The following SCN11A variants were observed in gnomAD, a reference collection of about 807,000 sequenced individuals.
The protein encoded by SCN11A is sodium channel protein type 11 subunit alpha.
SCN11A carries 122 observed loss-of-function variants against 162.2 expected under a neutral mutation model. The observed-to-expected ratio is 0.75, with a 90% confidence interval of 0.65 to 0.87. The LOEUF is 0.87. Among genes scored for constraint, SCN11A ranks in the 40% least tolerant of loss-of-function variants. The pLI is 0.00. For missense variants in SCN11A, 2,015 were observed against 2,181.6 expected (o/e 0.92, Z 1.52); for synonymous variants, 758 against 751.5 (o/e 1.01, Z -0.14).
At chr3:38,969,735 A>G (rs7651646) in intron 2 of SCN11A, among the ~76,000 whole-genome samples, 9,467 of 152,330 alleles carry the variant, frequency 0.062, 332 homozygotes, top group Middle Eastern at 0.092. Context: ...CACAATGTGC[A>G]TAAGAAAAGA....
At chr3:38,964,002 TAAAGAC>T (rs530636607) in intron 2 of SCN11A, among the ~76,000 whole-genome samples, 251 of 152,356 alleles carry the variant, frequency 1.6e-3, no homozygotes, top group Middle Eastern at 3.4e-3. Flanking sequence ...ATTCCAAGTG[TAAAGAC>T]TTAAGTGACA....
chr3:38,980,655 T>A (rs984954170), intron 2 of SCN11A, among the ~76,000 whole-genome samples: 2 of 152,218 alleles, frequency 1.3e-5, no homozygotes, highest in South Asian at 2.1e-4. Context: ...GAGAGACCTC[T>A]GGGGGCTTTT....
intron 1 of SCN11A, among the ~76,000 whole-genome samples, chr3:39,045,152 T>C (rs868148911): frequency 2.6e-5 from 4 of 151,894 alleles, no homozygotes; most frequent in Middle Eastern, 3.4e-3. Flanking sequence ...GTGGGAGAAA[T>C]AAAAAGTCTC....
intron 2 of SCN11A, among the ~76,000 whole-genome samples, chr3:39,006,269 T>C (rs2030971613): frequency 6.6e-6 from 1 of 152,250 alleles, no homozygotes; most frequent in African/African-American, 2.4e-5. Flanking sequence ...TCAACATATT[T>C]GATCTTTCAG....
At chr3:39,027,622 CT>C (rs1459897007) in intron 2 of SCN11A, among the ~76,000 whole-genome samples, 2 of 152,310 alleles carry the variant, frequency 1.3e-5, no homozygotes, top group East Asian at 1.9e-4. Flanking sequence ...ATCACTGCCC[CT>C]ATCCCTTAAA....
intron 7 of SCN11A, among the ~76,000 whole-genome samples, chr3:38,937,070 T>C (rs999580184): frequency 2.0e-5 from 3 of 152,104 alleles, no homozygotes; most frequent in Non-Finnish European, 2.9e-5. Context: ...CAACGCCGCA[T>C]ATCTACAACT....
At chr3:39,045,095 G>C (rs2032151690) in intron 1 of SCN11A, among the ~76,000 whole-genome samples, 1 of 152,046 alleles carries the variant, frequency 6.6e-6, no homozygotes, top group African/African-American at 2.4e-5. Context: ...AAATTGGATC[G>C]GGAAGAAATA....
At chr3:38,904,271 C>A (rs1177717222) in intron 15 of SCN11A, among the ~76,000 whole-genome samples, 168 bp from the exon 16 acceptor site, 1 of 152,098 alleles carries the variant, frequency 6.6e-6, no homozygotes, top group Non-Finnish European at 1.5e-5. Flanking sequence ...AATCTTAGTG[C>A]AGAAGAGACA....
chr3:38,913,142 G>A (rs566672973), intron 11 of SCN11A, among the ~76,000 whole-genome samples: 12 of 152,120 alleles, frequency 7.9e-5, no homozygotes, highest in Middle Eastern at 3.4e-3. Context: ...CATTGCCAGC[G>A]TCTGTTATTT....
chr3:38,910,883 A>G (rs1040712122), intron 11 of SCN11A, among the ~76,000 whole-genome samples: 3 of 152,232 alleles, frequency 2.0e-5, no homozygotes, highest in Non-Finnish European at 4.4e-5. Flanking sequence ...GAGTGTATCT[A>G]TAAGATGTAC....
chr3:38,846,988 G>A lies in SCN11A; in HGVS notation c.5082C>T (p.Leu1694=), dbSNP rs751478725. Residue 1694 remains leucine, a synonymous_variant, in exon 30 of 30, where the codon CTC becomes CTT. Coordinates refer to ENST00000302328, the MANE Select transcript of SCN11A (RefSeq NM_001349253.2). ...TACTATCTAGGCCATCAGAGCCACC[G>A]AGTACCCTAGCGGTGAAGGCGAAAA... The part of the protein sequence containing the change: ...DILFAFTARV[L]GGSDGLDSMK... 21 of 1,613,958 alleles carry A rather than the reference G, an allele frequency of 1.3e-5. No homozygotes were observed. The highest frequency in any genetic ancestry group is 2.2e-5 in the South Asian group (2 of 91,078).
intron 28 of SCN11A, among the ~76,000 whole-genome samples, chr3:38,853,636 G>A (rs1318311437): frequency 1.3e-5 from 2 of 152,080 alleles, no homozygotes; most frequent in African/African-American, 4.8e-5. Flanking sequence ...CACATTTTAT[G>A]CCAGGCCCTA....
At chr3:38,901,936 A>G (rs2065707719) in intron 16 of SCN11A, among the ~76,000 whole-genome samples, 1 of 152,206 alleles carries the variant, frequency 6.6e-6, no homozygotes, top group Admixed American at 6.5e-5. Context: ...AAGAATGTCA[A>G]TCACTCAGTT....
Position 38,846,367 on chromosome 3 carries a change from C to T in SCN11A, c.*327G>A, listed in dbSNP as rs937009643. On this transcript the variant is annotated 3_prime_UTR_variant, in exon 30 of 30. Coordinates refer to ENST00000302328, the MANE Select transcript of SCN11A (RefSeq NM_001349253.2). ...GACCTCGTGATCCACCTGCCTTGGC[C>T]TCTCAAAGTGCTGGGATTACAGGCA... The T allele has an allele frequency of 1.6e-5, 4 of 243,108 alleles. No individual in the cohort carries two copies. The highest frequency in any genetic ancestry group is 3.2e-5 in the Non-Finnish European group (4 of 123,712). The allele number at this position is 243,108 out of a possible 1,614,324, so 15.1% of individuals were successfully genotyped here.
intron 7 of SCN11A, among the ~76,000 whole-genome samples, chr3:38,932,974 C>A (rs1275491339): frequency 1.3e-5 from 2 of 152,238 alleles, no homozygotes; most frequent in African/African-American, 4.8e-5. Context: ...AGGCACCCCC[C>A]AGTAGGGGCA....
At chr3:38,888,715 CA>C (rs2065443228) in intron 19 of SCN11A, among the ~76,000 whole-genome samples, 1 of 152,108 alleles carries the variant, frequency 6.6e-6, no homozygotes, top group Non-Finnish European at 1.5e-5. Context: ...TCTGAGAGTG[CA>C]CAGCAAATGA....
At chr3:38,870,028 C>G (rs2065099608) in intron 26 of SCN11A, among the ~76,000 whole-genome samples, 1 of 152,112 alleles carries the variant, frequency 6.6e-6, no homozygotes, top group Non-Finnish European at 1.5e-5. Flanking sequence ...TAATAGGAAA[C>G]AATAATTTCT....
intron 2 of SCN11A, among the ~76,000 whole-genome samples, chr3:38,974,867 A>G (rs2066839857): frequency 6.6e-6 from 1 of 151,726 alleles, no homozygotes; most frequent in African/African-American, 2.4e-5. Context: ...GAATCTAAAA[A>G]GCTCAATAAA....
chr3:39,045,490 T>C (rs751042117), intron 1 of SCN11A, among the ~76,000 whole-genome samples: 4 of 152,102 alleles, frequency 2.6e-5, no homozygotes, highest in Non-Finnish European at 5.9e-5. Context: ...ATTCAACATA[T>C]GCAAATCAAT....
Sources: allele counts gnomAD v4.1 joint callset (sites outside exome capture counted in the v4.1 genomes callset), GRCh38; gene constraint gnomAD v4.1.1; transcripts MANE v1.5; gene names NCBI Gene and HGNC (gene_info 2026-07-23, HGNC 2026-07-21).